The following EYS variants were observed in gnomAD, a reference collection of about 807,000 sequenced individuals.
The protein encoded by EYS is EGF-like photoreceptor maintenance factor.
In EYS, 250 loss-of-function variants were observed where a neutral mutation model predicts 282.1. That is an observed-to-expected ratio of 0.89 (90% CI 0.80 to 0.98). The LOEUF (loss-of-function observed/expected upper bound fraction) is 0.98, where lower values mean the gene tolerates loss of function less well. EYS is among the 50% of genes least tolerant of loss of function. EYS has a pLI of 0.00. For synonymous variants in EYS, 1,355 were observed against 1,282.9 expected, an observed-to-expected ratio of 1.06 and a Z score of -1.20; for missense variants, 4,016 against 3,709.0, an observed-to-expected ratio of 1.08 and a Z score of -2.15.
chr6:64,902,452 A>G lies in EYS; in HGVS notation c.2690T>C (p.Leu897Pro), dbSNP rs1767698559. 1 of 1,534,568 alleles carries G rather than the reference A, an allele frequency of 6.5e-7. No individual in the cohort carries two copies. The highest frequency in any genetic ancestry group is 1.3e-5 in the South Asian group (1 of 79,680). ...CEIDVKDCLF[L>P]SCQDYGDCED... ...ACAGTCACCATAATCCTGGCAGGAAAGGAAGAGGCAGTCTTTCACATCAAT... is the reference window on the plus strand; with the variant it reads ...ACAGTCACCATAATCCTGGCAGGAAGGGAAGAGGCAGTCTTTCACATCAAT... Residue 897 changes from leucine to proline, a missense_variant, in exon 17 of 43, where the codon CTT (leucine) becomes CCT (proline). Physicochemically the swap from Leu to Pro is moderately conservative, Grantham distance 98. Coordinates refer to ENST00000503581, the MANE Select transcript of EYS (RefSeq NM_001142800.2).
chr6:64,204,983 A>C (rs1175065590), intron 31 of EYS, among the ~76,000 whole-genome samples: 11 of 152,172 alleles, frequency 7.2e-5, no homozygotes, highest in African/African-American at 2.7e-4. Context: ...ATGGGTAGAT[A>C]TGTAATGAAA....
At chr6:63,910,669 T>C (rs1400731665) in intron 35 of EYS, among the ~76,000 whole-genome samples, 4 of 152,226 alleles carry the variant, frequency 2.6e-5, no homozygotes, top group African/African-American at 9.6e-5. Context: ...ACTAAAACTC[T>C]TTTAAATCAT....
intron 28 of EYS, among the ~76,000 whole-genome samples, chr6:64,432,221 G>A (rs1774595229): frequency 6.6e-6 from 1 of 152,084 alleles, no homozygotes. Context: ...CTGACAGAGT[G>A]TTTGTGAATT....
intron 41 of EYS, among the ~76,000 whole-genome samples, chr6:63,748,726 T>C (rs1191429579): frequency 6.6e-6 from 1 of 152,156 alleles, no homozygotes; most frequent in Non-Finnish European, 1.5e-5. Context: ...TGGGTGTATG[T>C]ATCCAGGAAT....
chr6:63,991,800 A>G (rs1320232496), intron 34 of EYS, among the ~76,000 whole-genome samples: 1 of 151,820 alleles, frequency 6.6e-6, no homozygotes, highest in Non-Finnish European at 1.5e-5. Context: ...ACTCTGAGAC[A>G]TACTATAGCC....
intron 12 of EYS, among the ~76,000 whole-genome samples, chr6:65,083,289 TAAATA>T (rs1774276200): frequency 6.6e-6 from 1 of 152,028 alleles, no homozygotes; most frequent in Admixed American, 6.6e-5. Context: ...TTCATAAAGG[TAAATA>T]AGTCAGTGAA....
chr6:65,073,345 A>G lies in EYS; in HGVS notation c.2024-15618T>C, dbSNP rs560365514. 1.5e-3 allele frequency among the ~76,000 whole-genome samples: 222 copies of G among 151,932 alleles called. 1 individual carries two copies. Among genetic ancestry groups the G allele is most frequent in the African/African-American group, 5.1e-3 (212 of 41,514 alleles). ...GTAAAACTGACTTTCAAGTATAAAG[A>G]TCACAGACCTATGATCATGAACACC... is the stretch of plus-strand genomic sequence containing the variant. On this transcript the variant is annotated intron_variant, in intron 12 of 42. Coordinates refer to ENST00000503581, the MANE Select transcript of EYS (RefSeq NM_001142800.2).
intron 22 of EYS, among the ~76,000 whole-genome samples, chr6:64,691,660 T>C (rs1770388273): frequency 6.6e-6 from 1 of 152,100 alleles, no homozygotes; most frequent in South Asian, 2.1e-4. Context: ...CCTTCCTCCA[T>C]CCTCTAGTAA....
At chr6:64,262,443 T>C (rs1450687906) in intron 30 of EYS, among the ~76,000 whole-genome samples, 2 of 151,956 alleles carry the variant, frequency 1.3e-5, no homozygotes, top group African/African-American at 4.8e-5. Flanking sequence ...TGGTTCATTA[T>C]TAGCACTACT....
chr6:65,013,028 A>C (rs770976498), intron 13 of EYS, among the ~76,000 whole-genome samples: 1 of 152,120 alleles, frequency 6.6e-6, no homozygotes, highest in Non-Finnish European at 1.5e-5. Flanking sequence ...TCATAATCAA[A>C]GTTTTTGTGA....
At chr6:64,900,592 A>G (rs1024272607) in intron 18 of EYS, among the ~76,000 whole-genome samples, 19 of 152,334 alleles carry the variant, frequency 1.2e-4, no homozygotes, top group African/African-American at 3.8e-4. Flanking sequence ...ACACTTTTCA[A>G]AAGAAGACAT....
intron 26 of EYS, among the ~76,000 whole-genome samples, chr6:64,547,243 T>C (rs1411333951): frequency 6.6e-6 from 1 of 152,144 alleles, no homozygotes; most frequent in East Asian, 1.9e-4. Context: ...GGGTTGCCAC[T>C]GCTGGCTCTG....
At chr6:64,182,804 T>C (rs890203470) in intron 31 of EYS, among the ~76,000 whole-genome samples, 22 of 152,126 alleles carry the variant, frequency 1.4e-4, no homozygotes, top group African/African-American at 5.3e-4. Context: ...ATACCAGCTG[T>C]GCCACCAACT....
In EYS at chr6:65,199,184, A is replaced by G. The variant is rs185656176; in HGVS notation, c.2023+96679T>C. On this transcript the variant is annotated intron_variant, in intron 12 of 42. Coordinates refer to ENST00000503581, the MANE Select transcript of EYS (RefSeq NM_001142800.2). ...CTGCTGTTAAAACAATTTTATCAGA[A>G]TCCTCAGTTTTTATAAATTATCCTT... Among the ~76,000 whole-genome samples the G allele has an allele frequency of 7.2e-5, 11 of 152,256 alleles. No homozygotes were observed. The East Asian group carries it at 1.5e-3, about 21-fold the overall frequency.
intron 30 of EYS, among the ~76,000 whole-genome samples, chr6:64,304,570 ATATAAATTAT>A: frequency 7.3e-6 from 1 of 136,214 alleles, no homozygotes; most frequent in South Asian, 2.5e-4. Context: ...GACATATGTC[ATATAAATTAT>A]CTTTTCTGAT....
chr6:64,825,131 T>C (rs1765013175), intron 19 of EYS, among the ~76,000 whole-genome samples: 1 of 151,956 alleles, frequency 6.6e-6, no homozygotes, highest in Admixed American at 6.6e-5. Flanking sequence ...AAGACCTTTG[T>C]ACTTTTATTC....
intron 19 of EYS, among the ~76,000 whole-genome samples, chr6:64,882,017 T>C (rs997544483): frequency 2.6e-5 from 4 of 151,702 alleles, no homozygotes; most frequent in Non-Finnish European, 4.4e-5. Context: ...AAAAGAGAAA[T>C]GGATTTGCGA....
At chr6:64,110,511 G>A (rs1773171035) in intron 31 of EYS, among the ~76,000 whole-genome samples, 1 of 151,974 alleles carries the variant, frequency 6.6e-6, no homozygotes, top group Non-Finnish European at 1.5e-5. Context: ...GAAGATGCCT[G>A]TATGGTGTTT....
intron 29 of EYS, among the ~76,000 whole-genome samples, chr6:64,375,860 CA>C (rs1221846818): frequency 6.6e-6 from 1 of 152,090 alleles, no homozygotes; most frequent in African/African-American, 2.4e-5. Flanking sequence ...CAATCTCAAA[CA>C]ACAGAAATGA....
Sources: allele counts gnomAD v4.1 joint callset (sites outside exome capture counted in the v4.1 genomes callset), GRCh38; gene constraint gnomAD v4.1.1; transcripts MANE v1.5; gene names NCBI Gene and HGNC (gene_info 2026-07-23, HGNC 2026-07-21).